Variants in CDKAL1 observed in about 807,000 individuals in gnomAD.
CDKAL1 encodes CDKAL1 threonylcarbamoyladenosine tRNA methylthiotransferase, also known as threonylcarbamoyladenosine tRNA methylthiotransferase.
Under a neutral mutation model 68.2 loss-of-function variants are expected in CDKAL1, and 32 were observed. The observed-to-expected ratio is 0.47, with a 90% CI of 0.35 to 0.63. The LOEUF (loss-of-function observed/expected upper bound fraction) is 0.63, where lower values mean the gene tolerates loss of function less well. CDKAL1 is among the 30% of genes least tolerant of loss of function. The pLI is 0.00. For synonymous variants in CDKAL1, 234 were observed against 244.3 expected (o/e 0.96, Z 0.39); for missense variants, 606 against 696.7 (o/e 0.87, Z 1.47).
intron 9 of CDKAL1, among the ~76,000 whole-genome samples, chr6:20,878,476 A>G (rs1760646613): frequency 6.6e-6 from 1 of 152,220 alleles, no homozygotes; most frequent in South Asian, 2.1e-4. Flanking sequence ...GCAGTGGCTC[A>G]CGCCTGTAAT....
intron 4 of CDKAL1, among the ~76,000 whole-genome samples, chr6:20,557,949 ACACAT>A (rs1764124551): frequency 1.3e-5 from 2 of 152,024 alleles, no homozygotes; most frequent in African/African-American, 4.8e-5. Context: ...AAACAAACAA[ACACAT>A]CAAACAAACA....
chr6:21,150,734 A>C (rs1562073457), intron 13 of CDKAL1, among the ~76,000 whole-genome samples: 1 of 152,334 alleles, frequency 6.6e-6, no homozygotes, highest in Non-Finnish European at 1.5e-5. Context: ...TGTCCTGTCA[A>C]CTTCGTCCTG....
intron 8 of CDKAL1, among the ~76,000 whole-genome samples, chr6:20,813,935 ATTAC>A (rs951010049): frequency 2.6e-4 from 40 of 152,062 alleles, no homozygotes; most frequent in African/African-American, 8.7e-4. Flanking sequence ...AGATTTTAGA[ATTAC>A]TTTTGCAGTT....
rs559075212 is a variant in CDKAL1, at chr6:20,762,158, A to G, written c.517+3515A>G. On this transcript the variant is annotated intron_variant, in intron 7 of 15. Coordinates refer to ENST00000274695, the MANE Select transcript of CDKAL1 (RefSeq NM_017774.3). The stretch of plus-strand genomic sequence containing the variant: ...TTTGCCAAATGGCCTGGAGAGATAA[A>G]ATTTCTATGGGAAATCATACAAGAC... Among the ~76,000 whole-genome samples the G allele has an allele frequency of 6.6e-4, 101 of 152,310 alleles. No homozygotes were observed. The Middle Eastern group carries it at 0.014, about 21-fold the overall frequency.
chr6:20,720,590 T>A (rs1772302230), intron 5 of CDKAL1, among the ~76,000 whole-genome samples: 2 of 151,922 alleles, frequency 1.3e-5, no homozygotes, highest in Non-Finnish European at 2.9e-5. Flanking sequence ...CACGGCAACC[T>A]TTACCTCCTG....
At chr6:20,735,469 C>A (rs1773147159) in intron 5 of CDKAL1, among the ~76,000 whole-genome samples, 1 of 152,054 alleles carries the variant, frequency 6.6e-6, no homozygotes, top group Admixed American at 6.5e-5. Flanking sequence ...AACTTACTAT[C>A]ATGAGAACAG....
chr6:20,620,134 G>A (rs2127731956), intron 4 of CDKAL1, among the ~76,000 whole-genome samples: 1 of 152,286 alleles, frequency 6.6e-6, no homozygotes, highest in South Asian at 2.1e-4. Flanking sequence ...GTAAAACAAG[G>A]CTTGGGCTGA....
intron 9 of CDKAL1, among the ~76,000 whole-genome samples, chr6:20,944,265 A>G (rs1214560661): frequency 6.6e-6 from 1 of 152,168 alleles, no homozygotes; most frequent in Non-Finnish European, 1.5e-5. Flanking sequence ...GTTGTCTCAT[A>G]TATTGTGTCA....
Position 21,148,196 on chromosome 6 carries a change from G to A in CDKAL1, c.1299+39733G>A, listed in dbSNP as rs562503293. On this transcript the variant is annotated intron_variant, in intron 13 of 15. Transcript: ENST00000274695. ...CTTCAGTTAATAAATGTTTTGTTTC[G>A]GAGCGGGATGGGAAGGCAGACAGGA... Among the ~76,000 whole-genome samples, 9 of 152,178 alleles carry A rather than the reference G, an allele frequency of 5.9e-5. No homozygotes were observed. The East Asian group carries it at 1.3e-3, about 23-fold the overall frequency.
intron 5 of CDKAL1, among the ~76,000 whole-genome samples, chr6:20,709,644 A>T (rs1449430393): frequency 1.3e-5 from 2 of 152,146 alleles, no homozygotes; most frequent in African/African-American, 2.4e-5. Context: ...GACGTGGATT[A>T]TGTTGCACAA....
In CDKAL1 at chr6:20,805,563, A is replaced by G. The variant is rs548651754; in HGVS notation, c.638+24298A>G. 3.9e-5 allele frequency among the ~76,000 whole-genome samples: 6 copies of G among 152,340 alleles called. 1 individual carries two copies. In the South Asian group the frequency reaches 1.2e-3, roughly 32 times the overall value. ...AATTAGATGGCAAAGCGTTGTGTTT[A>G]TTATGTGGTAACTATAGCTGTGGTA... is the stretch of plus-strand genomic sequence containing the variant. On this transcript the variant is annotated intron_variant, in intron 8 of 15. Transcript: ENST00000274695.
intron 15 of CDKAL1, among the ~76,000 whole-genome samples, chr6:21,223,638 A>G (rs1779617596): frequency 6.6e-6 from 1 of 152,214 alleles, no homozygotes; most frequent in Non-Finnish European, 1.5e-5. Flanking sequence ...CAAGAAGAGA[A>G]TACTTGTAAC....
At chr6:21,040,092 T>A (rs940325030) in intron 11 of CDKAL1, among the ~76,000 whole-genome samples, 3 of 152,216 alleles carry the variant, frequency 2.0e-5, no homozygotes, top group East Asian at 1.9e-4. Flanking sequence ...TCCCTTTTTT[T>A]ATGCATTTTA....
At chr6:20,786,096 G>A (rs1050857275) in intron 8 of CDKAL1, among the ~76,000 whole-genome samples, 9 of 151,952 alleles carry the variant, frequency 5.9e-5, no homozygotes, top group Non-Finnish European at 1.2e-4. Flanking sequence ...TGGTTGGTGC[G>A]TGCCTGTAAT....
At chr6:20,600,053 GT>G (rs1264780955) in intron 4 of CDKAL1, among the ~76,000 whole-genome samples, 3 of 152,112 alleles carry the variant, frequency 2.0e-5, no homozygotes, top group Non-Finnish European at 4.4e-5. Context: ...TACTTAGATA[GT>G]TTAGGAGCAG....
Position 21,230,856 on chromosome 6 carries a change from A to T in CDKAL1, c.1557A>T (p.Arg519Ser). Residue 519 changes from arginine to serine, a missense_variant, in exon 16 of 16, where the codon AGA becomes AGT. By Grantham distance (110) the Arg-to-Ser change is moderately radical. Coordinates refer to ENST00000274695, the MANE Select transcript of CDKAL1 (RefSeq NM_017774.3). ...GEVSGLTKDF[R>S]NGLGNQLSSG... Reference sequence around the variant, plus strand: ...TGTTTCTCTCTTTATAGGACTTCAGAAATGGGCTTGGGAACCAGCTGAGTT... The same window carrying T: ...TGTTTCTCTCTTTATAGGACTTCAGTAATGGGCTTGGGAACCAGCTGAGTT... 6.2e-7 allele frequency: 1 copy of T among 1,602,472 alleles called. No homozygotes were observed. Among genetic ancestry groups the T allele is most frequent in the Non-Finnish European group, 8.5e-7 (1 of 1,171,882 alleles).
chr6:21,021,762 C>A (rs190668180), intron 11 of CDKAL1, among the ~76,000 whole-genome samples: 1 of 152,238 alleles, frequency 6.6e-6, no homozygotes, highest in Non-Finnish European at 1.5e-5. Flanking sequence ...TCTTTATTTA[C>A]CTCACCTAAG....
chr6:20,684,362 A>G (rs1770521809), intron 5 of CDKAL1, among the ~76,000 whole-genome samples: 1 of 152,206 alleles, frequency 6.6e-6, no homozygotes, highest in African/African-American at 2.4e-5. Context: ...GAATCACTTG[A>G]GTCCAGGAGG....
chr6:21,122,973 T>A (rs1261910936), intron 13 of CDKAL1, among the ~76,000 whole-genome samples: 1 of 151,958 alleles, frequency 6.6e-6, no homozygotes, highest in African/African-American at 2.4e-5. Flanking sequence ...AAAGAGGAGA[T>A]AGGAAATACA....
Sources: allele counts gnomAD v4.1 joint callset (sites outside exome capture counted in the v4.1 genomes callset), GRCh38; gene constraint gnomAD v4.1.1; transcripts MANE v1.5; gene names NCBI Gene and HGNC (gene_info 2026-07-23, HGNC 2026-07-21).